The following UTRN variants were observed in gnomAD, a reference collection of about 807,000 sequenced individuals.
UTRN encodes the protein utrophin.
Under a neutral mutation model 463.9 loss-of-function variants are expected in UTRN, and 283 were observed. That is an observed-to-expected ratio of 0.61 (90% CI 0.55 to 0.67). The LOEUF (loss-of-function observed/expected upper bound fraction) is 0.67, where lower values mean the gene tolerates loss of function less well. UTRN is among the 30% of genes least tolerant of loss of function. The pLI is 0.00. For synonymous variants in UTRN, 1,442 were observed against 1,431.5 expected (o/e 1.01, Z -0.17); for missense variants, 3,922 against 4,084.3 (o/e 0.96, Z 1.08).
chr6:144,540,279 T>C (rs1562546038), intron 45 of UTRN, among the ~76,000 whole-genome samples: 1 of 152,190 alleles, frequency 6.6e-6, no homozygotes, highest in Non-Finnish European at 1.5e-5. Context: ...CTTTTTTGTT[T>C]GACCTGGTAC....
chr6:144,608,758 T>G (rs1805150590), intron 51 of UTRN, among the ~76,000 whole-genome samples: 1 of 141,156 alleles, frequency 7.1e-6, no homozygotes, highest in Admixed American at 7.1e-5. Context: ...GAGATAGGTT[T>G]TATCTCAGAC....
chr6:144,801,009 G>A (rs4143942), intron 64 of UTRN, among the ~76,000 whole-genome samples: 25,906 of 152,036 alleles, frequency 0.17, 2,338 homozygotes, highest in South Asian at 0.26. Context: ...TATCCGTGTC[G>A]TTATAAAGAT....
At chr6:144,363,066 G>A (rs976014512) in intron 2 of UTRN, among the ~76,000 whole-genome samples, 2 of 152,086 alleles carry the variant, frequency 1.3e-5, no homozygotes, top group Non-Finnish European at 2.9e-5. Context: ...TCAGTACATA[G>A]CACTTTTAAT....
At chr6:144,537,371 TTAAC>T (rs1458220022) in intron 43 of UTRN, among the ~76,000 whole-genome samples, 4 of 151,982 alleles carry the variant, frequency 2.6e-5, no homozygotes, top group East Asian at 1.9e-4. Context: ...GTTTTTGAAT[TTAAC>T]TAAGGAAAAA....
chr6:144,438,701 A>G, intron 11 of UTRN, 44 bp from the exon 12 acceptor site: 1 of 1,604,308 alleles, frequency 6.2e-7, no homozygotes, highest in South Asian at 1.1e-5. Context: ...GACTTTGCAA[A>G]GGGAAAAGGC....
chr6:144,289,070 G>C (rs1221232584), intron 1 of UTRN, among the ~76,000 whole-genome samples: 1 of 152,200 alleles, frequency 6.6e-6, no homozygotes, highest in Non-Finnish European at 1.5e-5. Context: ...AAAGAGCTGG[G>C]ATTACAGGCA....
At chr6:144,553,049 GT>G (rs1234167980) in intron 48 of UTRN, among the ~76,000 whole-genome samples, 2 of 152,032 alleles carry the variant, frequency 1.3e-5, no homozygotes, top group Non-Finnish European at 2.9e-5. Flanking sequence ...TAGCTTTTTT[GT>G]TTTTTGAGAT....
chr6:144,781,277 A>G (rs915081623), intron 60 of UTRN, among the ~76,000 whole-genome samples: 1 of 152,184 alleles, frequency 6.6e-6, no homozygotes, highest in African/African-American at 2.4e-5. Flanking sequence ...CTTCTTAGCT[A>G]CAGGTCACCT....
intron 43 of UTRN, among the ~76,000 whole-genome samples, chr6:144,535,222 A>G (rs951001904): frequency 2.0e-5 from 3 of 152,182 alleles, no homozygotes; most frequent in African/African-American, 4.8e-5. Flanking sequence ...CTGAGATGAC[A>G]GGTGCCTGTC....
intron 25 of UTRN, among the ~76,000 whole-genome samples, chr6:144,477,110 A>G (rs1427423782): frequency 6.6e-6 from 1 of 152,182 alleles, no homozygotes; most frequent in Non-Finnish European, 1.5e-5. Context: ...TGCTAGAGAT[A>G]TGGTTTCTCC....
Position 144,490,981 on chromosome 6 carries a change from A to G in UTRN, c.4316A>G (p.Asn1439Ser), listed in dbSNP as rs751237729. Residue 1439 changes from asparagine (N) to serine (S), a missense_variant, in exon 32 of 75, where the codon AAC becomes AGC. Physicochemically the swap from Asn to Ser is conservative, Grantham distance 46. Transcript: ENST00000367545. ...TKFQLFQKPA[N>S]FEQRMLDCKR... ...TTCCAGCTTTTCCAGAAGCCAGCTA[A>G]CTTCGAGCAGCGCATGCTGGACTGC... The G allele has an allele frequency of 5.0e-5, 81 of 1,611,976 alleles. No individual in the cohort carries two copies. In the East Asian group the frequency reaches 1.8e-3, roughly 36 times the overall value.
At chr6:144,596,093 G>A (rs571757488) in intron 51 of UTRN, among the ~76,000 whole-genome samples, 1 of 152,218 alleles carries the variant, frequency 6.6e-6, no homozygotes, top group African/African-American at 2.4e-5. Flanking sequence ...GAGAAAGATT[G>A]GAGAAATTAT....
intron 2 of UTRN, among the ~76,000 whole-genome samples, chr6:144,300,345 C>T (rs547683605): frequency 6.6e-6 from 1 of 152,326 alleles, no homozygotes; most frequent in African/African-American, 2.4e-5. Flanking sequence ...CCACCTCAGC[C>T]TCTCAAAGTG....
chr6:144,650,478 G>A (rs954890046), intron 51 of UTRN, among the ~76,000 whole-genome samples: 4 of 152,154 alleles, frequency 2.6e-5, no homozygotes, highest in Admixed American at 1.3e-4. Flanking sequence ...ATTCAATAAC[G>A]ACTTTTGGTT....
At chr6:144,806,804 C>T (rs1202749084) in intron 65 of UTRN, among the ~76,000 whole-genome samples, 1 of 104,382 alleles carries the variant, frequency 9.6e-6, no homozygotes, top group Admixed American at 9.0e-5. Flanking sequence ...ATTTCTCTCT[C>T]ATTCGAAATA....
At chr6:144,540,042 C>A (rs200343369) in intron 45 of UTRN, among the ~76,000 whole-genome samples, 826 of 120,762 alleles carry the variant, frequency 6.8e-3, no homozygotes, top group East Asian at 8.5e-3. Flanking sequence ...GACCCTGTCT[C>A]AAAAAAAAAA....
At chr6:144,529,642 CT>C (rs1045734152) in intron 41 of UTRN, among the ~76,000 whole-genome samples, 28 of 151,640 alleles carry the variant, frequency 1.8e-4, no homozygotes, top group African/African-American at 3.9e-4. Flanking sequence ...CTCATAGTGC[CT>C]TTTTTTTAAG....
intron 51 of UTRN, among the ~76,000 whole-genome samples, chr6:144,676,249 T>C (rs1424276455): frequency 6.6e-6 from 1 of 152,294 alleles, no homozygotes; most frequent in East Asian, 1.9e-4. Context: ...GCCAGAAATT[T>C]TTCTGTTACA....
In UTRN at chr6:144,592,604, C is replaced by T. The variant is rs143674908; in HGVS notation, c.7479+15316C>T. 3.6e-3 allele frequency among the ~76,000 whole-genome samples: 553 copies of T among 152,170 alleles called. 1 individual carries two copies. Among genetic ancestry groups the T allele is most frequent in the African/African-American group, 0.013 (532 of 41,522 alleles). On this transcript the variant is annotated intron_variant, in intron 51 of 74. Coordinates refer to ENST00000367545, the MANE Select transcript of UTRN (RefSeq NM_007124.3). ...CATGATAGTCTCGATCTCTTGACCT[C>T]GTGATCCCCCTGCCTCAGCCTCCTA... is the stretch of plus-strand genomic sequence containing the variant.
Sources: allele counts gnomAD v4.1 joint callset (sites outside exome capture counted in the v4.1 genomes callset), GRCh38; gene constraint gnomAD v4.1.1; transcripts MANE v1.5; gene names NCBI Gene and HGNC (gene_info 2026-07-23, HGNC 2026-07-21).